Variants in ZFAND3 observed in about 807,000 individuals in gnomAD.
ZFAND3 encodes zinc finger AN1-type containing 3, also known as AN1-type zinc finger protein 3.
ZFAND3 carries 10 observed loss-of-function variants against 29.6 expected under a neutral mutation model. That is an observed-to-expected ratio of 0.34 (90% confidence interval 0.21 to 0.57). ZFAND3 has a LOEUF of 0.57. Among genes scored for constraint, ZFAND3 ranks in the 20% least tolerant of loss-of-function variants. ZFAND3 has a pLI of 0.86. For synonymous variants in ZFAND3, 128 were observed against 112.6 expected, an observed-to-expected ratio of 1.14 and a Z score of -0.87; for missense variants, 230 against 304.5, an observed-to-expected ratio of 0.76 and a Z score of 1.82.
chr6:38,106,699 GTA>G (rs534931285), intron 4 of ZFAND3, among the ~76,000 whole-genome samples: 1 of 151,878 alleles, frequency 6.6e-6, no homozygotes, highest in African/African-American at 2.4e-5. Context: ...GTGTGTGTGT[GTA>G]TATGTGTATG....
chr6:38,091,818 A>G (rs1157457552), intron 4 of ZFAND3, among the ~76,000 whole-genome samples: 1 of 151,908 alleles, frequency 6.6e-6, no homozygotes, highest in African/African-American at 2.4e-5. Context: ...GAGCTGAGGC[A>G]TGGAGGCCTT....
intron 5 of ZFAND3, among the ~76,000 whole-genome samples, chr6:38,142,653 G>A (rs9462387): frequency 2.6e-5 from 4 of 152,222 alleles, no homozygotes; most frequent in African/African-American, 4.8e-5. Flanking sequence ...CAGAAGTTTC[G>A]TACCAGCACA....
chr6:38,154,516 T>G lies in ZFAND3; in HGVS notation c.*2127T>G. On this transcript the variant is annotated 3_prime_UTR_variant, in exon 6 of 6. Transcript: ENST00000287218. ...TGTGTTCTAGATTTACTTACACACA[T>G]AGCCTAGAGCTCAGTTTTAGTTTTA... is the stretch of plus-strand genomic sequence containing the variant. 1.0e-6 allele frequency: 1 copy of G among 979,766 alleles called. No individual in the cohort carries two copies. The highest frequency in any genetic ancestry group is 1.2e-6 in the Non-Finnish European group (1 of 824,376). 60.7% of individuals were successfully genotyped at this position (979,766 alleles called of 1,614,324 possible). A position where few individuals can be genotyped will look rare whatever the true frequency, so the allele number is the denominator to read the frequency against.
intron 5 of ZFAND3, among the ~76,000 whole-genome samples, chr6:38,145,677 T>C (rs1206884764): frequency 6.6e-6 from 1 of 152,220 alleles, no homozygotes; most frequent in Admixed American, 6.5e-5. Flanking sequence ...GGAAAAATGC[T>C]CCTCCTCAGT....
chr6:37,988,863 GTT>G (rs1379684202), intron 2 of ZFAND3, among the ~76,000 whole-genome samples: 1 of 151,778 alleles, frequency 6.6e-6, no homozygotes, highest in Non-Finnish European at 1.5e-5. Context: ...TTGTTCGCAT[GTT>G]TTTTTAAGGG....
intron 5 of ZFAND3, 93 bp from the exon 6 acceptor site, chr6:38,152,142 C>CCCTCCAT: frequency 1.6e-6 from 2 of 1,218,340 alleles, no homozygotes; most frequent in South Asian, 3.6e-5. Flanking sequence ...ACTGGGATGC[C>CCCTCCAT]CCTCCATCCT....
intron 2 of ZFAND3, among the ~76,000 whole-genome samples, chr6:37,985,529 C>CACA (rs33984396): frequency 0.014 from 1,255 of 89,720 alleles, 22 homozygotes; most frequent in East Asian, 0.063. Context: ...ACACACACAC[C>CACA]CCCACACACG....
intron 2 of ZFAND3, among the ~76,000 whole-genome samples, chr6:37,978,088 A>G (rs1361655563): frequency 2.0e-5 from 3 of 151,754 alleles, no homozygotes; most frequent in Non-Finnish European, 2.9e-5. Context: ...GCCCACCTCT[A>G]TGGCTGGCTA....
chr6:37,888,456 T>C (rs1246565183), intron 1 of ZFAND3, among the ~76,000 whole-genome samples: 1 of 152,202 alleles, frequency 6.6e-6, no homozygotes, highest in Non-Finnish European at 1.5e-5. Flanking sequence ...TCATTTATGC[T>C]TTATTCTTTT....
In ZFAND3 at chr6:37,883,803, G is replaced by C. The variant is rs2127393120; in HGVS notation, c.72-46156G>C. ...GATCCACCTGTCTCGGCCTCCCAAAGTGCTGGGATTACAGGCGTGAGCCGC... is the reference window on the plus strand; with the variant it reads ...GATCCACCTGTCTCGGCCTCCCAAACTGCTGGGATTACAGGCGTGAGCCGC... On this transcript the variant is annotated intron_variant, in intron 1 of 5. Transcript: ENST00000287218. 1.4e-5 allele frequency among the ~76,000 whole-genome samples: 2 copies of C among 145,768 alleles called. 1 individual carries two copies. Among genetic ancestry groups the C allele is most frequent in the Non-Finnish European group, 3.0e-5 (2 of 67,512 alleles).
intron 1 of ZFAND3, among the ~76,000 whole-genome samples, chr6:37,918,951 C>CTTTTTTTTTTT (rs66941014): frequency 0.018 from 1,869 of 104,526 alleles, 192 homozygotes; most frequent in African/African-American, 0.04. Context: ...TGAAAAATGC[C>CTTTTTTTTTTT]TTTTTTTTTT....
intron 1 of ZFAND3, among the ~76,000 whole-genome samples, chr6:37,914,223 T>C (rs1194527524): frequency 6.6e-6 from 1 of 152,192 alleles, no homozygotes. Flanking sequence ...AATTTTTTTT[T>C]CTGAGCAGTA....
At chr6:37,914,430 C>CT (rs1232517908) in intron 1 of ZFAND3, among the ~76,000 whole-genome samples, 1 of 152,090 alleles carries the variant, frequency 6.6e-6, no homozygotes, top group East Asian at 1.9e-4. Flanking sequence ...CCTCTGCCTC[C>CT]TGTGTTCAAG....
chr6:38,152,155 G>A, intron 5 of ZFAND3, 80 bp from the exon 6 acceptor site: 1 of 1,357,174 alleles, frequency 7.4e-7, no homozygotes, highest in East Asian at 2.6e-5. Context: ...TCCATCCTCT[G>A]GACAAAGGCA....
At chr6:37,887,530 C>A (rs1391407277) in intron 1 of ZFAND3, among the ~76,000 whole-genome samples, 1 of 152,022 alleles carries the variant, frequency 6.6e-6, no homozygotes, top group Non-Finnish European at 1.5e-5. Context: ...GAAAAAAATC[C>A]ACCCTAAATT....
chr6:37,896,913 T>C (rs1221555901), intron 1 of ZFAND3, among the ~76,000 whole-genome samples: 1 of 152,140 alleles, frequency 6.6e-6, no homozygotes, highest in African/African-American at 2.4e-5. Flanking sequence ...TCTTCTTCAC[T>C]GTAGGATTGG....
chr6:37,854,752 A>G (rs938897530), intron 1 of ZFAND3, among the ~76,000 whole-genome samples: 8 of 135,154 alleles, frequency 5.9e-5, no homozygotes, highest in African/African-American at 8.3e-5. Flanking sequence ...ATGAGACTAC[A>G]TAGGCTAAAA....
At chr6:38,092,292 G>A (rs1246111270) in intron 4 of ZFAND3, among the ~76,000 whole-genome samples, 2 of 152,230 alleles carry the variant, frequency 1.3e-5, no homozygotes, top group Non-Finnish European at 2.9e-5. Context: ...TGCTGTGACA[G>A]AGTCCTGTAG....
At chr6:37,984,892 C>T (rs1762640037) in intron 2 of ZFAND3, among the ~76,000 whole-genome samples, 1 of 152,192 alleles carries the variant, frequency 6.6e-6, no homozygotes, top group Non-Finnish European at 1.5e-5. Context: ...GAGGTCATTG[C>T]TGTATGTGTT....
Sources: gnomAD v4.1 joint callset for allele counts (sites outside exome capture counted in the v4.1 genomes callset) on GRCh38, gnomAD v4.1.1 for gene constraint, MANE v1.5 for transcripts, NCBI Gene and HGNC (gene_info 2026-07-23, HGNC 2026-07-21) for gene names.